Variants in MAP4K2 observed in about 807,000 individuals in gnomAD.
MAP4K2 encodes the protein mitogen-activated protein kinase kinase kinase kinase 2, also known as B lymphocyte serine/threonine protein kinase.
A neutral mutation model predicts 125.3 loss-of-function variants in MAP4K2; 85 were observed. The ratio of observed to expected loss-of-function variants is 0.68; its 90% CI spans 0.57 to 0.81. The LOEUF (loss-of-function observed/expected upper bound fraction) is 0.81. Among genes scored for constraint, MAP4K2 ranks in the 40% least tolerant of loss-of-function variants. MAP4K2 has a pLI of 0.00. For synonymous variants in MAP4K2, 479 were observed against 445.1 expected (o/e 1.08, Z -0.96); for missense variants, 923 against 1,056.4 (o/e 0.87, Z 1.75).
At position 64,790,274 on chromosome 11, in the gene MAP4K2, C is replaced by T; in HGVS notation, c.2162G>A (p.Arg721His). ...DRDTILVSFE[R>H]CVRIVNMQGE... Reference sequence around the variant, plus strand: ...CTGCATGTTGACAATCCTCACACAGCCTGCACAGGGAAGGAATTGGTGAGT... The same window carrying T: ...CTGCATGTTGACAATCCTCACACAGTCTGCACAGGGAAGGAATTGGTGAGT... The change falls in exon 29 of 32, where the codon CGC becomes CAC. Residue 721 changes from arginine to histidine, a missense_variant and splice_region_variant. Arg to His is a conservative substitution (Grantham distance 29). Around this residue, in one of 2 missense-constraint regions of MAP4K2, gnomAD observed 90 missense variants for 144.9 expected, o/e 0.62. Coordinates refer to ENST00000294066, the MANE Select transcript of MAP4K2 (RefSeq NM_004579.5). 2 of 1,614,176 alleles carry T rather than the reference C, an allele frequency of 1.2e-6. No individual in the cohort carries two copies. The highest frequency in any genetic ancestry group is 1.7e-6 in the Non-Finnish European group (2 of 1,180,012).
At chr11:64,793,531 C>T (rs1940622781) in intron 24 of MAP4K2, among the ~76,000 whole-genome samples, 1 of 152,160 alleles carries the variant, frequency 6.6e-6, no homozygotes, top group South Asian at 2.1e-4. Context: ...ACCCTCTCAG[C>T]CTGTTTCTTC....
In MAP4K2 at chr11:64,796,708, A is replaced by T. The variant is rs1940826819; in HGVS notation, c.1498T>A (p.Phe500Ile). ...CCTTCCTCGGCCCCTACCACCAGGAACTGGTCTGCCAGTTTGGGCATGGGG... is the reference window on the plus strand; with the variant it reads ...CCTTCCTCGGCCCCTACCACCAGGATCTGGTCTGCCAGTTTGGGCATGGGG... The part of the protein sequence containing the change: ...TWIHPVTRDQ[F>I]LVVGAEEGIY... The change falls in exon 22 of 32, where the codon TTC (phenylalanine) becomes ATC (isoleucine). Residue 500 changes from phenylalanine (F) to isoleucine (I), a missense_variant. By Grantham distance (21) the Phe-to-Ile change is conservative (BLOSUM62 0). Transcript: ENST00000294066. 1 of 1,614,036 alleles carries T rather than the reference A, an allele frequency of 6.2e-7. No individual in the cohort carries two copies. The highest frequency in any genetic ancestry group is 8.5e-7 in the Non-Finnish European group (1 of 1,180,020).
intron 5 of MAP4K2, 102 bp downstream of exon 5, chr11:64,801,964 G>A: frequency 7.6e-7 from 1 of 1,313,160 alleles, no homozygotes; most frequent in South Asian, 1.4e-5. Context: ...CCTCGGGCCA[G>A]CCCCACCCGA....
rs1383106505 is a variant in MAP4K2, at chr11:64,789,570, G to A, written c.2430C>T (p.Leu810=). The change falls in exon 32 of 32, where the codon CTC becomes CTT. Residue 810 remains leucine (L), a synonymous_variant. Transcript: ENST00000294066. ...PTDNPEAHSN[L]YILTGHQSTY is the part of the protein sequence containing the mutation. ...TGCTCTGGTGGCCCGTGAGGATGTA[G>A]AGGTTGCTGTGCGCCTCTGGGTTGT... 6.3e-7 allele frequency: 1 copy of A among 1,599,882 alleles called. No homozygotes were observed. The highest frequency in any genetic ancestry group is 8.5e-7 in the Non-Finnish European group (1 of 1,173,232).
In MAP4K2 at chr11:64,792,277, T is replaced by C; in HGVS notation, c.1811-2A>G. ...TGGCACCCGTGTAGGGGTTCCGCAC[T>C]GGCAGGGGAGCAGGCAGTGGGCACC... On this transcript the variant is annotated splice_acceptor_variant, in intron 25 of 31. Transcript: ENST00000294066. LOFTEE classifies it high-confidence loss of function. 1.9e-6 allele frequency: 3 copies of C among 1,608,322 alleles called. No individual in the cohort carries two copies. The highest frequency in any genetic ancestry group is 2.5e-6 in the Non-Finnish European group (3 of 1,177,994).
chr11:64,791,562 G>A (rs557119912), intron 27 of MAP4K2, among the ~76,000 whole-genome samples: 1 of 152,208 alleles, frequency 6.6e-6, no homozygotes, highest in South Asian at 2.1e-4. Context: ...GTAGAGTCAG[G>A]GTCTCGCCAT....
chr11:64,796,146 G>A, intron 24 of MAP4K2, 127 bp downstream of exon 24: 1 of 815,628 alleles, frequency 1.2e-6, no homozygotes, highest in East Asian at 2.8e-5. Flanking sequence ...TATTGACAGA[G>A]GAGGAAACGG....
chr11:64,796,723 TGGGCATG>T lies in MAP4K2; in HGVS notation c.1493-17_1493-11del. ...ACCACCAGGAACTGGTCTGCCAGTT[TGGGCATG>T]GGGTCAGAGGTCAGACATGGCCCCT... On this transcript the variant is annotated splice_polypyrimidine_tract_variant and intron_variant, in intron 21 of 31. Coordinates refer to ENST00000294066, the MANE Select transcript of MAP4K2 (RefSeq NM_004579.5). 6.2e-7 allele frequency: 1 copy of T among 1,613,998 alleles called. No homozygotes were observed. Among genetic ancestry groups the T allele is most frequent in the East Asian group, 2.2e-5 (1 of 44,878 alleles).
intron 26 of MAP4K2, 37 bp from the exon 27 acceptor site, chr11:64,792,123 C>G (rs753321950): frequency 9.5e-6 from 15 of 1,579,162 alleles, no homozygotes; most frequent in Middle Eastern, 1.7e-4. Flanking sequence ...CTCCATTTCT[C>G]CCCCCAGAGC....
Position 64,792,354 on chromosome 11 carries a change from C to CCCCCAAAATTAAA in MAP4K2, c.1810+9_1810+10insTTTAATTTTGGGG. On this transcript the variant is annotated intron_variant, in intron 25 of 31. Coordinates refer to ENST00000294066, the MANE Select transcript of MAP4K2 (RefSeq NM_004579.5). ...AGGCCCCGCCCCACCCCGCCCAGCCCATTTCTTACCCACACGACACTGCAA... is the reference window on the plus strand; with the variant it reads ...AGGCCCCGCCCCACCCCGCCCAGCCCCCCCAAAATTAAAATTTCTTACCCACACGACACTGCAA... 6.5e-7 allele frequency: 1 copy of CCCCCAAAATTAAA among 1,531,694 alleles called. No individual in the cohort carries two copies. The highest frequency in any genetic ancestry group is 8.9e-7 in the Non-Finnish European group (1 of 1,122,542). The allele number at this position is 1,531,694 out of a possible 1,614,324, so 94.9% of individuals were successfully genotyped here.
intron 24 of MAP4K2, among the ~76,000 whole-genome samples, chr11:64,795,439 C>T (rs368791119): frequency 6.6e-6 from 1 of 151,780 alleles, no homozygotes; most frequent in Non-Finnish European, 1.5e-5. Context: ...CTCTTGCTGT[C>T]GGCCAGGCTG....
chr11:64,793,776 T>C (rs1275046498), intron 24 of MAP4K2, among the ~76,000 whole-genome samples: 2 of 152,244 alleles, frequency 1.3e-5, no homozygotes, highest in African/African-American at 2.4e-5. Flanking sequence ...CAGTTCTCTG[T>C]TCTTTGCATT....
At position 64,802,869 on chromosome 11, in the gene MAP4K2, C is replaced by A; in HGVS notation, c.154+16G>T. 1 of 1,597,350 alleles carries A rather than the reference C, an allele frequency of 6.3e-7. No individual in the cohort carries two copies. The highest frequency in any genetic ancestry group is 8.5e-7 in the Non-Finnish European group (1 of 1,172,990). On this transcript the variant is annotated intron_variant, in intron 2 of 31. Transcript: ENST00000294066. ...CTGCCCTTCCTCTGGCGCAGAGGCC[C>A]GACCCGGGCCCTCACCTGGGTCTAG...
At chr11:64,794,280 G>A (rs1430874180) in intron 24 of MAP4K2, among the ~76,000 whole-genome samples, 1 of 152,198 alleles carries the variant, frequency 6.6e-6, no homozygotes, top group Non-Finnish European at 1.5e-5. Context: ...AGCCATCCTT[G>A]ACTCCTCTTT....
intron 21 of MAP4K2, 21 bp from the exon 22 acceptor site, chr11:64,796,734 T>C: frequency 6.2e-7 from 1 of 1,613,810 alleles, no homozygotes; most frequent in Non-Finnish European, 8.5e-7. Flanking sequence ...GGGCATGGGG[T>C]CAGAGGTCAG....
chr11:64,796,115 G>C (rs1176375651), intron 24 of MAP4K2, among the ~76,000 whole-genome samples, 158 bp downstream of exon 24: 1 of 152,230 alleles, frequency 6.6e-6, no homozygotes, highest in Non-Finnish European at 1.5e-5. Context: ...CGGCGGGAGG[G>C]GGTGGGAAGG....
At position 64,796,935 on chromosome 11, in the gene MAP4K2, G is replaced by C. The variant is rs543162241; in HGVS notation, c.1408-42C>G. 9.9e-6 allele frequency: 16 copies of C among 1,613,942 alleles called. No homozygotes were observed. In the South Asian group the frequency reaches 1.5e-4, roughly 16 times the overall value. On this transcript the variant is annotated intron_variant, in intron 20 of 31. Transcript: ENST00000294066. The stretch of plus-strand genomic sequence containing the variant: ...AGGCTGGCGAGGGAGTGCAGGGGTG[G>C]TGGGTGGCAGGGCTGTGGGACTGCA...
rs1332520500 is a variant in MAP4K2, at chr11:64,802,980, G to A, written c.97-38C>T. The stretch of plus-strand genomic sequence containing the variant: ...AGGGTGAAGCGGGATGGGGGGCGGG[G>A]CCGGGGGCTAGATCCTGCCGCGGGG... On this transcript the variant is annotated intron_variant, in intron 1 of 31. Coordinates refer to ENST00000294066, the MANE Select transcript of MAP4K2 (RefSeq NM_004579.5). The A allele has an allele frequency of 5.1e-6, 8 of 1,555,348 alleles. No individual in the cohort carries two copies. The African/African-American group carries it at 9.5e-5, about 19-fold the overall frequency.
Position 64,798,862 on chromosome 11 carries a change from G to A in MAP4K2, c.1054-25C>T, listed in dbSNP as rs186746744. 1.6e-4 allele frequency: 255 copies of A among 1,577,594 alleles called. No individual in the cohort carries two copies. In the African/African-American group the frequency reaches 2.9e-3, roughly 18 times the overall value. On this transcript the variant is annotated intron_variant, in intron 14 of 31. Coordinates refer to ENST00000294066, the MANE Select transcript of MAP4K2 (RefSeq NM_004579.5). ...ACTGGGGGAAACCAAGGTAGAGACCGGGGAAGAAGCAGAGACAGATGCAAC... is the reference window on the plus strand; with the variant it reads ...ACTGGGGGAAACCAAGGTAGAGACCAGGGAAGAAGCAGAGACAGATGCAAC...
Sources: gnomAD v4.1 joint callset for allele counts (sites outside exome capture counted in the v4.1 genomes callset) on GRCh38, gnomAD v4.1.1 for gene constraint, gnomAD v4.1.1 regional missense constraint, MANE v1.5 for transcripts, NCBI Gene and HGNC (gene_info 2026-07-23, HGNC 2026-07-21) for gene names.